LRRC28: variants seen among roughly 807,000 people sequenced by gnomAD.
LRRC28 encodes the protein leucine rich repeat containing 28.
A neutral mutation model predicts 45.7 loss-of-function variants in LRRC28; 39 were observed. The ratio of observed to expected loss-of-function variants is 0.85; its 90% confidence interval spans 0.66 to 1.12. LRRC28 has a LOEUF of 1.12. Among genes scored for constraint, LRRC28 ranks in the 50% most tolerant of loss-of-function variants. The pLI is 0.00. For synonymous variants in LRRC28, 206 were observed against 178.8 expected, an observed-to-expected ratio of 1.15 and a Z score of -1.22; for missense variants, 435 against 438.5, an observed-to-expected ratio of 0.99 and a Z score of 0.07.
At chr15:99,339,433 A>T (rs534511129) in intron 6 of LRRC28, among the ~76,000 whole-genome samples, 266 of 152,310 alleles carry the variant, frequency 1.7e-3, no homozygotes, top group African/African-American at 6.0e-3. Context: ...ATGTTAACTT[A>T]AAAAAACAGT....
intron 3 of LRRC28, among the ~76,000 whole-genome samples, chr15:99,276,894 T>A (rs2152176406): frequency 6.6e-6 from 1 of 152,328 alleles, no homozygotes; most frequent in East Asian, 1.9e-4. Flanking sequence ...AGAATCTTTC[T>A]GGATAGTCCA....
intron 5 of LRRC28, among the ~76,000 whole-genome samples, chr15:99,297,757 A>G (rs1169061882): frequency 6.6e-6 from 1 of 151,772 alleles, no homozygotes; most frequent in East Asian, 1.9e-4. Context: ...TCAGAAAAAT[A>G]TTTTTACTAT....
chr15:99,363,007 T>C, intron 8 of LRRC28, 99 bp from the exon 9 acceptor site: 1 of 1,314,680 alleles, frequency 7.6e-7, no homozygotes, highest in Non-Finnish European at 1.0e-6. Context: ...GAAGTACTTT[T>C]AAGTAACTGA....
intron 5 of LRRC28, among the ~76,000 whole-genome samples, chr15:99,303,544 TAA>T (rs955643852): frequency 6.2e-4 from 95 of 152,128 alleles, no homozygotes; most frequent in African/African-American, 2.2e-3. Context: ...ATCAAGAATA[TAA>T]AAACGGCCTG....
intron 5 of LRRC28, among the ~76,000 whole-genome samples, chr15:99,308,070 G>C (rs1182469808): frequency 6.6e-6 from 1 of 152,222 alleles, no homozygotes; most frequent in African/African-American, 2.4e-5. Context: ...TTGCACTAGA[G>C]TGTTAGCAGA....
intron 6 of LRRC28, among the ~76,000 whole-genome samples, chr15:99,349,943 T>A (rs1299500976): frequency 1.3e-5 from 2 of 151,534 alleles, no homozygotes; most frequent in African/African-American, 4.9e-5. Flanking sequence ...GAGACCATCC[T>A]GGCTAACAAG....
At chr15:99,266,487 A>G (rs1382939270) in intron 2 of LRRC28, among the ~76,000 whole-genome samples, 2 of 152,120 alleles carry the variant, frequency 1.3e-5, no homozygotes, top group African/African-American at 2.4e-5. Context: ...AAAAAAAATT[A>G]ACACCTAGTG....
chr15:99,344,150 A>G (rs1956608340), intron 6 of LRRC28, among the ~76,000 whole-genome samples: 2 of 152,212 alleles, frequency 1.3e-5, no homozygotes, highest in Non-Finnish European at 2.9e-5. Context: ...GTAAAAGACT[A>G]AGATGTATCG....
At chr15:99,310,246 T>A (rs1434161900) in intron 5 of LRRC28, among the ~76,000 whole-genome samples, 1 of 152,210 alleles carries the variant, frequency 6.6e-6, no homozygotes, top group Non-Finnish European at 1.5e-5. Context: ...CTAAAACAAC[T>A]ATTTTTCAGG....
At chr15:99,318,863 T>A (rs1597334015) in intron 5 of LRRC28, among the ~76,000 whole-genome samples, 1 of 152,136 alleles carries the variant, frequency 6.6e-6, no homozygotes, top group Non-Finnish European at 1.5e-5. Flanking sequence ...TTTCCAAATG[T>A]TCTATCAGTG....
intron 5 of LRRC28, among the ~76,000 whole-genome samples, chr15:99,302,988 A>G (rs1476335881): frequency 2.6e-5 from 4 of 152,150 alleles, no homozygotes; most frequent in Non-Finnish European, 4.4e-5. Context: ...TTTTGTAGGC[A>G]TATGTTTTCT....
chr15:99,295,485 C>T (rs2082239248), intron 5 of LRRC28, among the ~76,000 whole-genome samples: 1 of 152,162 alleles, frequency 6.6e-6, no homozygotes, highest in South Asian at 2.1e-4. Flanking sequence ...CCTCGCTAAA[C>T]ATCACAAAGT....
chr15:99,300,919 C>CT (rs1231800827), intron 5 of LRRC28, among the ~76,000 whole-genome samples: 1 of 152,180 alleles, frequency 6.6e-6, no homozygotes, highest in East Asian at 1.9e-4. Context: ...TGCTATTCTT[C>CT]TTTTACTTGA....
chr15:99,281,709 T>C (rs1003296338), intron 3 of LRRC28, among the ~76,000 whole-genome samples: 11 of 152,208 alleles, frequency 7.2e-5, no homozygotes, highest in African/African-American at 1.9e-4. Context: ...CCCTTTTTTC[T>C]GGCATGCAGC....
At chr15:99,352,566 C>A in intron 7 of LRRC28, 95 bp downstream of exon 7, 1 of 941,636 alleles carries the variant, frequency 1.1e-6, no homozygotes, top group Non-Finnish European at 1.6e-6. Context: ...TATGCTAAAC[C>A]AGGTATCCTT....
chr15:99,272,858 A>C (rs1232681023), intron 2 of LRRC28, among the ~76,000 whole-genome samples: 1 of 152,184 alleles, frequency 6.6e-6, no homozygotes, highest in Non-Finnish European at 1.5e-5. Flanking sequence ...TTTGAGAAGC[A>C]CTTTAAGACT....
chr15:99,373,954 G>A (rs549556644), intron 9 of LRRC28, among the ~76,000 whole-genome samples: 4 of 152,202 alleles, frequency 2.6e-5, no homozygotes, highest in Admixed American at 6.5e-5. Context: ...CACTTGATCT[G>A]TGTCTATCTC....
chr15:99,285,722 C>A (rs1597237681), intron 3 of LRRC28: 1 of 564,496 alleles, frequency 1.8e-6, no homozygotes, highest in Admixed American at 2.7e-5. Flanking sequence ...ATAGTGGGTA[C>A]TTTAGTTCAT....
rs1318789896 is a variant in LRRC28, at chr15:99,292,408, A to T, written c.385+4457A>T. ...AGTCTCGCTCTGTCGCCCAGGCCGGACTGCGGACTGCAGTGGTGCAATCTC... is the reference window on the plus strand; with the variant it reads ...AGTCTCGCTCTGTCGCCCAGGCCGGTCTGCGGACTGCAGTGGTGCAATCTC... On this transcript the variant is annotated intron_variant, in intron 5 of 9. Coordinates refer to ENST00000301981, the MANE Select transcript of LRRC28 (RefSeq NM_144598.5). Among the ~76,000 whole-genome samples, 3 of 137,554 alleles carry T rather than the reference A, an allele frequency of 2.2e-5. No homozygotes were observed. The East Asian group carries it at 6.9e-4, about 32-fold the overall frequency. 90.2% of individuals were successfully genotyped at this position (137,554 alleles called of 152,430 possible).
Sources: gnomAD v4.1 joint callset for allele counts (sites outside exome capture counted in the v4.1 genomes callset) on GRCh38, gnomAD v4.1.1 for gene constraint, MANE v1.5 for transcripts, NCBI Gene and HGNC (gene_info 2026-07-23, HGNC 2026-07-21) for gene names.